FBXL17: variants seen among roughly 807,000 people sequenced by gnomAD.
The protein encoded by FBXL17 is F-box/LRR-repeat protein 17.
In FBXL17, 22 loss-of-function variants were observed where a neutral mutation model predicts 66.2. The ratio of observed to expected loss-of-function variants is 0.33; its 90% CI spans 0.24 to 0.47. The LOEUF (loss-of-function observed/expected upper bound fraction) is 0.47, where lower values mean the gene tolerates loss of function less well. FBXL17 is among the 20% of genes least tolerant of loss of function. The probability of loss-of-function intolerance (pLI) is 1.00; values close to 1 mark genes in which losing one functional copy is unlikely to be tolerated. For synonymous variants in FBXL17, 474 were observed against 400.5 expected, an observed-to-expected ratio of 1.18 and a Z score of -2.19; for missense variants, 878 against 948.2, an observed-to-expected ratio of 0.93 and a Z score of 0.97.
At chr5:107,935,640 T>A (rs1045898302) in intron 7 of FBXL17, among the ~76,000 whole-genome samples, 5 of 152,112 alleles carry the variant, frequency 3.3e-5, no homozygotes, top group African/African-American at 1.2e-4. Flanking sequence ...CAGAATTACA[T>A]CATTATTTTT....
At chr5:108,137,465 A>AAC (rs1464513652) in intron 6 of FBXL17, among the ~76,000 whole-genome samples, 1 of 152,024 alleles carries the variant, frequency 6.6e-6, no homozygotes, top group African/African-American at 2.4e-5. Context: ...ATCAGCCAAA[A>AAC]ACACTGTGTT....
chr5:107,910,033 T>C lies in FBXL17; in HGVS notation c.1823-28854A>G, dbSNP rs1349915816. ...ATTATTCTTGGGGAGCTACATACAC[T>C]GAACTAAAGTGACTTCACCACAAGC... On this transcript the variant is annotated intron_variant, in intron 7 of 8. Transcript: ENST00000542267. Among the ~76,000 whole-genome samples the C allele has an allele frequency of 6.6e-5, 10 of 151,454 alleles. No homozygotes were observed. In the South Asian group the frequency reaches 2.1e-3, roughly 32 times the overall value.
At chr5:107,955,297 CA>C (rs1006978371) in intron 7 of FBXL17, among the ~76,000 whole-genome samples, 6 of 150,620 alleles carry the variant, frequency 4.0e-5, no homozygotes, top group South Asian at 2.1e-4. Context: ...TTAGTCTTAA[CA>C]AAAAAAAATT....
At chr5:108,003,109 T>C (rs1282015908) in intron 7 of FBXL17, among the ~76,000 whole-genome samples, 1 of 152,340 alleles carries the variant, frequency 6.6e-6, no homozygotes, top group East Asian at 1.9e-4. Flanking sequence ...AAATTAAGTA[T>C]GAATGCCACA....
At chr5:108,219,157 C>T (rs375472482) in intron 5 of FBXL17, among the ~76,000 whole-genome samples, 19 of 152,142 alleles carry the variant, frequency 1.2e-4, no homozygotes, top group Admixed American at 5.9e-4. Context: ...TAATAATAGT[C>T]TCTTTTCTAG....
intron 6 of FBXL17, among the ~76,000 whole-genome samples, chr5:108,137,362 T>C (rs1368708904): frequency 2.0e-5 from 3 of 152,094 alleles, no homozygotes; most frequent in Non-Finnish European, 4.4e-5. Flanking sequence ...CTCTCATACG[T>C]TATTTGGAAG....
chr5:108,322,940 T>C lies in FBXL17; in HGVS notation c.1506+25459A>G, dbSNP rs1486490166. ...GCTAGAAAATGTATAATGTGTACAT[T>C]GGATGTGACCAACAGTGCTCAACAA... On this transcript the variant is annotated intron_variant, in intron 4 of 8. Transcript: ENST00000542267. 2.0e-5 allele frequency among the ~76,000 whole-genome samples: 3 copies of C among 151,954 alleles called. No individual in the cohort carries two copies. The East Asian group carries it at 5.8e-4, about 29-fold the overall frequency.
At chr5:108,176,668 T>C (rs1752804085) in intron 6 of FBXL17, among the ~76,000 whole-genome samples, 1 of 152,136 alleles carries the variant, frequency 6.6e-6, no homozygotes, top group Non-Finnish European at 1.5e-5. Flanking sequence ...TATAGATTTT[T>C]CCTTTAAAGT....
intron 6 of FBXL17, among the ~76,000 whole-genome samples, chr5:108,126,649 C>CTA (rs1446212605): frequency 7.5e-5 from 6 of 79,786 alleles, no homozygotes; most frequent in Non-Finnish European, 1.1e-4. Flanking sequence ...CTCTCTCTCT[C>CTA]TCTATATATA....
chr5:107,986,736 A>G (rs1275819723), intron 7 of FBXL17, among the ~76,000 whole-genome samples: 2 of 152,004 alleles, frequency 1.3e-5, no homozygotes, highest in African/African-American at 4.8e-5. Flanking sequence ...ATAGTGCACT[A>G]TAACTTTCTA....
At chr5:108,175,404 CA>C (rs1455336078) in intron 6 of FBXL17, among the ~76,000 whole-genome samples, 6 of 152,278 alleles carry the variant, frequency 3.9e-5, no homozygotes, top group Non-Finnish European at 7.4e-5. Context: ...TCATTACAAT[CA>C]ACATTATTAT....
In FBXL17 at chr5:108,245,538, T is replaced by C. The variant is rs563257666; in HGVS notation, c.1507-21310A>G. On this transcript the variant is annotated intron_variant, in intron 4 of 8. Coordinates refer to ENST00000542267, the MANE Select transcript of FBXL17 (RefSeq NM_001163315.3). ...ACAAATAAATTCACAGCTCACTAAA[T>C]GTTCTTTCTTACACTTCAAACAGCT... Among the ~76,000 whole-genome samples the C allele has an allele frequency of 2.6e-5, 4 of 152,318 alleles. No homozygotes were observed. In the South Asian group the frequency reaches 6.2e-4, roughly 24 times the overall value.
chr5:108,238,792 T>C (rs1196282044), intron 4 of FBXL17, among the ~76,000 whole-genome samples: 1 of 152,168 alleles, frequency 6.6e-6, no homozygotes, highest in Non-Finnish European at 1.5e-5. Flanking sequence ...ATTACAGGTG[T>C]GAGCTACTGC....
chr5:108,297,714 A>G lies in FBXL17; in HGVS notation c.1506+50685T>C, dbSNP rs371255580. 1.0e-3 allele frequency: 491 copies of G among 482,266 alleles called. 13 individuals are homozygous for G. In the South Asian group the frequency reaches 0.04, roughly 39 times the overall value. The allele number at this position is 482,266 out of a possible 1,614,324, so 29.9% of individuals were successfully genotyped here. The stretch of plus-strand genomic sequence containing the variant: ...CAAAATTAGCATTCAGTACTACAAA[A>G]AACATTAAGCAACTCAGAAATAAAC... On this transcript the variant is annotated intron_variant, in intron 4 of 8. Transcript: ENST00000542267.
intron 7 of FBXL17, among the ~76,000 whole-genome samples, chr5:107,934,023 C>T (rs1482603592): frequency 1.3e-5 from 2 of 152,056 alleles, no homozygotes; most frequent in Non-Finnish European, 1.5e-5. Flanking sequence ...GACTCAGGAG[C>T]CTTTAAGCCC....
At position 108,044,572 on chromosome 5, in the gene FBXL17, G is replaced by C. The variant is rs143813383; in HGVS notation, c.1746-23571C>G. Reference sequence around the variant, plus strand: ...CTCACATTTGTAAAGGATTCATTGGGAACACTGTTCTACAGCTTTACTTCT... The same window carrying C: ...CTCACATTTGTAAAGGATTCATTGGCAACACTGTTCTACAGCTTTACTTCT... On this transcript the variant is annotated intron_variant, in intron 6 of 8. Transcript: ENST00000542267. Among the ~76,000 whole-genome samples, 488 of 152,140 alleles carry C rather than the reference G, an allele frequency of 3.2e-3. 2 individuals carry two copies. Among genetic ancestry groups the C allele is most frequent in the African/African-American group, 0.011 (467 of 41,506 alleles).
chr5:108,184,200 G>A lies in FBXL17; in HGVS notation c.1745+1917C>T, dbSNP rs527370798. On this transcript the variant is annotated intron_variant, in intron 6 of 8. Coordinates refer to ENST00000542267, the MANE Select transcript of FBXL17 (RefSeq NM_001163315.3). ...CTTTGGGAGATCGAGGCGGCGGGGC[G>A]GGGGATCACTTAAGGCCAGTAGTTT... 1.3e-4 allele frequency among the ~76,000 whole-genome samples: 20 copies of A among 152,218 alleles called. No individual in the cohort carries two copies. The South Asian group carries it at 3.5e-3, about 27-fold the overall frequency.
At chr5:107,901,599 A>G (rs1749568791) in intron 7 of FBXL17, among the ~76,000 whole-genome samples, 1 of 152,182 alleles carries the variant, frequency 6.6e-6, no homozygotes, top group Non-Finnish European at 1.5e-5. Context: ...CTTTGTTTGC[A>G]CATAACACAC....
At chr5:108,079,876 C>T (rs915089910) in intron 6 of FBXL17, among the ~76,000 whole-genome samples, 2 of 152,192 alleles carry the variant, frequency 1.3e-5, no homozygotes, top group African/African-American at 2.4e-5. Flanking sequence ...TTTTGAAATG[C>T]ACTGTGTGAT....
Sources: allele counts gnomAD v4.1 joint callset (sites outside exome capture counted in the v4.1 genomes callset), GRCh38; gene constraint gnomAD v4.1.1; transcripts MANE v1.5; gene names NCBI Gene and HGNC (gene_info 2026-07-23, HGNC 2026-07-21).